OPRM1: variants seen among roughly 807,000 people sequenced by gnomAD.
OPRM1 encodes the protein opioid receptor mu 1.
A neutral mutation model predicts 31.8 loss-of-function variants in OPRM1; 27 were observed. The ratio of observed to expected loss-of-function variants is 0.85; its 90% CI spans 0.63 to 1.17. The LOEUF (loss-of-function observed/expected upper bound fraction) is 1.17, where lower values mean the gene tolerates loss of function less well. Ranked by LOEUF, OPRM1 falls within the 50% of genes most tolerant of loss-of-function variation. The pLI, the probability that OPRM1 is intolerant of heterozygous loss-of-function variation, is 0.00. For synonymous variants in OPRM1, 196 were observed against 189.9 expected (o/e 1.03, Z -0.26); for missense variants, 536 against 511.1 (o/e 1.05, Z -0.47).
chr6:154,177,760 A>G (rs1322542061), intron 3 of OPRM1, among the ~76,000 whole-genome samples: 2 of 152,196 alleles, frequency 1.3e-5, no homozygotes, highest in Non-Finnish European at 2.9e-5. Context: ...AACTAGAAAT[A>G]CCATTTGAGC....
chr6:154,160,379 G>A (rs1275587822), intron 3 of OPRM1, among the ~76,000 whole-genome samples: 3 of 152,100 alleles, frequency 2.0e-5, no homozygotes, highest in Non-Finnish European at 4.4e-5. Context: ...ACTTACCATT[G>A]TAGGTATTAG....
chr6:154,154,860 C>T (rs1297644240), intron 3 of OPRM1: 1 of 152,420 alleles, frequency 6.6e-6, no homozygotes, highest in Non-Finnish European at 1.5e-5. Flanking sequence ...CTAAGATTTC[C>T]ACATTAATAT....
At chr6:154,203,799 T>C (rs903856104) in intron 3 of OPRM1, among the ~76,000 whole-genome samples, 1 of 152,218 alleles carries the variant, frequency 6.6e-6, no homozygotes, top group Admixed American at 6.5e-5. Flanking sequence ...GACAAATTAA[T>C]GACAAAGAAT....
At chr6:154,110,765 T>C (rs901082920) in intron 3 of OPRM1, among the ~76,000 whole-genome samples, 22 of 151,852 alleles carry the variant, frequency 1.4e-4, no homozygotes, top group African/African-American at 5.1e-4. Flanking sequence ...CGGGCACCTG[T>C]AGTCCCAGCT....
intron 3 of OPRM1, chr6:154,222,895 G>A: frequency 2.2e-6 from 1 of 450,696 alleles, no homozygotes; most frequent in Non-Finnish European, 4.1e-6. Context: ...CAGTCCTGGA[G>A]GGGGTTTATT....
intron 2 of OPRM1, 138 bp downstream of exon 2, chr6:154,090,316 A>T: frequency 1.6e-6 from 1 of 640,636 alleles, no homozygotes; most frequent in Admixed American, 3.1e-5. Flanking sequence ...TAGCAAAAAA[A>T]GCCTTTGAAT....
intron 3 of OPRM1, among the ~76,000 whole-genome samples, chr6:154,165,776 CT>C (rs1172009403): frequency 6.6e-6 from 1 of 152,242 alleles, no homozygotes; most frequent in Non-Finnish European, 1.5e-5. Context: ...ATTGCTGCCA[CT>C]GGGTTATAAC....
chr6:154,058,217 G>A (rs1281192022), intron 1 of OPRM1, among the ~76,000 whole-genome samples: 4 of 151,924 alleles, frequency 2.6e-5, no homozygotes, highest in Admixed American at 6.6e-5. Context: ...AAAAAAAATT[G>A]TATATAAAGA....
intron 3 of OPRM1, among the ~76,000 whole-genome samples, chr6:154,216,242 T>G (rs769345428): frequency 1.3e-5 from 2 of 152,262 alleles, no homozygotes; most frequent in Admixed American, 6.5e-5. Context: ...AATAAATTAT[T>G]TATTCTATCA....
At chr6:154,057,553 G>T (rs1783551936) in intron 1 of OPRM1, among the ~76,000 whole-genome samples, 1 of 151,988 alleles carries the variant, frequency 6.6e-6, no homozygotes, top group South Asian at 2.1e-4. Flanking sequence ...TTTTGTTAAA[G>T]GTATTATTTA....
chr6:154,027,105 A>G (rs914990097), intron 1 of OPRM1, among the ~76,000 whole-genome samples: 2 of 152,090 alleles, frequency 1.3e-5, no homozygotes, highest in African/African-American at 4.8e-5. Flanking sequence ...CCATCTTGGG[A>G]AGTCTTTCCA....
At chr6:154,093,364 A>C (rs1476134429) in intron 3 of OPRM1, 7 of 1,613,196 alleles carry the variant, frequency 4.3e-6, no homozygotes, top group Non-Finnish European at 5.9e-6. Flanking sequence ...GTCAGATATG[A>C]CCTCCCAGCT....
chr6:154,115,278 G>T (rs1164004826), intron 3 of OPRM1, among the ~76,000 whole-genome samples: 1 of 152,180 alleles, frequency 6.6e-6, no homozygotes, highest in Non-Finnish European at 1.5e-5. Flanking sequence ...AGTGGCTCAA[G>T]CTTGTAATCC....
chr6:154,231,280 G>C (rs1414846546), intron 3 of OPRM1, among the ~76,000 whole-genome samples: 1 of 152,234 alleles, frequency 6.6e-6, no homozygotes, highest in Non-Finnish European at 1.5e-5. Flanking sequence ...GTTCTATGGA[G>C]AAACAGTCAT....
chr6:154,031,601 C>A (rs1562378589), intron 1 of OPRM1, among the ~76,000 whole-genome samples: 1 of 151,848 alleles, frequency 6.6e-6, no homozygotes, highest in African/African-American at 2.4e-5. Context: ...ATTAGCTGGG[C>A]ATAGTCGTGC....
Position 154,123,647 on chromosome 6 carries a change from T to A in OPRM1, c.*4926T>A, listed in dbSNP as rs954871782. Among the ~76,000 whole-genome samples the A allele has an allele frequency of 6.6e-6, 1 of 152,216 alleles. No individual in the cohort carries two copies. Among genetic ancestry groups the A allele is most frequent in the Non-Finnish European group, 1.5e-5 (1 of 68,036 alleles). On this transcript the variant is annotated 3_prime_UTR_variant, in exon 4 of 4. Coordinates refer to ENST00000330432, the MANE Select transcript of OPRM1 (RefSeq NM_000914.5). The stretch of plus-strand genomic sequence containing the variant: ...TATATGCTAAACAAGGGGTGGATTA[T>A]TCATGGGTTTTCTGGGAAAGGAGTG...
chr6:154,110,010 T>C (rs1236720777), intron 3 of OPRM1, among the ~76,000 whole-genome samples: 1 of 152,168 alleles, frequency 6.6e-6, no homozygotes, highest in Admixed American at 6.5e-5. Context: ...CTATTCAAAA[T>C]TCAATGTTTC....
chr6:154,113,214 T>C (rs1796525597), intron 3 of OPRM1, among the ~76,000 whole-genome samples: 1 of 152,178 alleles, frequency 6.6e-6, no homozygotes, highest in Admixed American at 6.5e-5. Flanking sequence ...AACTTAAGAA[T>C]AGGTTCCTGG....
At chr6:154,148,557 C>T (rs184831326) in intron 3 of OPRM1, among the ~76,000 whole-genome samples, 1 of 152,334 alleles carries the variant, frequency 6.6e-6, no homozygotes, top group Admixed American at 6.5e-5. Flanking sequence ...CTGAGTCATC[C>T]TGCCTGTGTG....
Sources: allele counts gnomAD v4.1 joint callset (sites outside exome capture counted in the v4.1 genomes callset), GRCh38; gene constraint gnomAD v4.1.1; transcripts MANE v1.5; gene names NCBI Gene and HGNC (gene_info 2026-07-23, HGNC 2026-07-21).